Variants in WDR7 observed in about 807,000 individuals in gnomAD.
The protein encoded by WDR7 is WD repeat domain 7.
In WDR7, 46 loss-of-function variants were observed where a neutral mutation model predicts 169.4. The observed-to-expected ratio is 0.27, with a 90% CI of 0.21 to 0.35. The LOEUF is 0.35. Among genes scored for constraint, WDR7 ranks in the 10% least tolerant of loss-of-function variants. WDR7 has a pLI of 1.00. For synonymous variants in WDR7, 612 were observed against 666.8 expected (o/e 0.92, Z 1.27); for missense variants, 1,534 against 1,859.3 (o/e 0.83, Z 3.22).
intron 26 of WDR7, among the ~76,000 whole-genome samples, chr18:57,004,775 C>A (rs1363946109): frequency 1.3e-5 from 2 of 152,110 alleles, no homozygotes; most frequent in Non-Finnish European, 1.5e-5. Flanking sequence ...CAGTTTCACT[C>A]TTTTTTAACT....
chr18:56,797,286 C>CT (rs1255129255), intron 19 of WDR7, among the ~76,000 whole-genome samples: 2 of 152,134 alleles, frequency 1.3e-5, no homozygotes, highest in Non-Finnish European at 2.9e-5. Flanking sequence ...CAGTAGGCTT[C>CT]CTAGTTGCTG....
At chr18:56,874,663 A>C (rs181896553) in intron 20 of WDR7, among the ~76,000 whole-genome samples, 86 of 152,252 alleles carry the variant, frequency 5.6e-4, no homozygotes, top group African/African-American at 1.9e-3. Flanking sequence ...TTACGTGAGC[A>C]ATTAGAATAG....
chr18:56,691,874 C>A (rs2025579330), intron 9 of WDR7, 57 bp downstream of exon 9: 3 of 1,375,754 alleles, frequency 2.2e-6, no homozygotes, highest in African/African-American at 1.4e-5. Flanking sequence ...ACTTCTACAA[C>A]TGTATTTATT....
chr18:56,960,980 G>C (rs2047330715), intron 25 of WDR7, among the ~76,000 whole-genome samples: 1 of 149,862 alleles, frequency 6.7e-6, no homozygotes, highest in Admixed American at 6.6e-5. Context: ...GTTACTAAAA[G>C]TTAAAAAAAA....
chr18:56,768,915 T>C (rs2145007128), intron 16 of WDR7, among the ~76,000 whole-genome samples: 1 of 152,306 alleles, frequency 6.6e-6, no homozygotes, highest in Admixed American at 6.5e-5. Flanking sequence ...AGAATAAAGA[T>C]AGTTAAGATA....
the WDR7 span, chr18:57,036,312 G>T: frequency 6.6e-6 from 1 of 152,320 alleles, no homozygotes; most frequent in African/African-American, 2.4e-5. Flanking sequence ...TCCCAACTGA[G>T]ACCTGCTACA....
chr18:56,939,374 T>C lies in WDR7; in HGVS notation c.4045T>C (p.Cys1349Arg). 1 of 1,577,250 alleles carries C rather than the reference T, an allele frequency of 6.3e-7. No individual in the cohort carries two copies. The highest frequency in any genetic ancestry group is 8.6e-7 in the Non-Finnish European group (1 of 1,159,764). ...SLVKKKGLQECFPAICRFYMV... is the reference protein window; with the variant it reads ...SLVKKKGLQERFPAICRFYMV... Reference sequence around the variant, plus strand: ...AGTTAAAAAGAAAGGTCTTCAAGAATGTTTCCCAGCCATCTGCAGGTAAAG... The same window carrying C: ...AGTTAAAAAGAAAGGTCTTCAAGAACGTTTCCCAGCCATCTGCAGGTAAAG... The change falls in exon 25 of 28, where the codon TGT becomes CGT. Residue 1349 changes from cysteine to arginine, a missense_variant. By Grantham distance (180) the Cys-to-Arg change is radical. Transcript: ENST00000254442.
At chr18:56,800,184 C>G (rs2044648942) in intron 19 of WDR7, among the ~76,000 whole-genome samples, 1 of 152,064 alleles carries the variant, frequency 6.6e-6, no homozygotes, top group African/African-American at 2.4e-5. Flanking sequence ...CTGCCAGAGG[C>G]AATGATTGGT....
At chr18:56,754,605 T>G (rs1035307196) in intron 14 of WDR7, among the ~76,000 whole-genome samples, 2 of 152,072 alleles carry the variant, frequency 1.3e-5, no homozygotes, top group Non-Finnish European at 2.9e-5. Flanking sequence ...AATTCGACTA[T>G]GGGTATTTTT....
At chr18:56,866,684 T>G (rs1387370012) in intron 20 of WDR7, among the ~76,000 whole-genome samples, 1 of 152,192 alleles carries the variant, frequency 6.6e-6, no homozygotes, top group Non-Finnish European at 1.5e-5. Flanking sequence ...TTTGTCTGTG[T>G]TCAGCTCTTA....
At chr18:56,785,378 T>C (rs2044382881) in intron 19 of WDR7, among the ~76,000 whole-genome samples, 1 of 152,196 alleles carries the variant, frequency 6.6e-6, no homozygotes. Context: ...GGGCAAAATA[T>C]TAAACAATAT....
intron 14 of WDR7, among the ~76,000 whole-genome samples, chr18:56,745,620 C>T (rs895789539): frequency 3.9e-5 from 6 of 152,140 alleles, no homozygotes; most frequent in South Asian, 2.1e-4. Flanking sequence ...ACTTGCCCGC[C>T]GCTCAGCTCC....
chr18:56,901,142 G>A (rs1296511636), intron 21 of WDR7, among the ~76,000 whole-genome samples: 1 of 152,202 alleles, frequency 6.6e-6, no homozygotes, highest in African/African-American at 2.4e-5. Context: ...GCTCATGCCT[G>A]TAATCCCAGC....
intron 23 of WDR7, among the ~76,000 whole-genome samples, chr18:56,937,623 A>G (rs570177347): frequency 4.3e-4 from 66 of 152,274 alleles, no homozygotes; most frequent in African/African-American, 1.4e-3. Flanking sequence ...AATGTATATT[A>G]TTTGCCATGC....
At chr18:56,672,940 A>G (rs1407270149) in intron 2 of WDR7, among the ~76,000 whole-genome samples, 1 of 152,192 alleles carries the variant, frequency 6.6e-6, no homozygotes, top group African/African-American at 2.4e-5. Context: ...ATGATGACCC[A>G]TACTGAAGAA....
At chr18:57,015,852 C>G (rs1019815637) in intron 26 of WDR7, among the ~76,000 whole-genome samples, 1 of 152,202 alleles carries the variant, frequency 6.6e-6, no homozygotes, top group African/African-American at 2.4e-5. Flanking sequence ...GAGAGTTCTT[C>G]CTCACTTCTG....
intron 27 of WDR7, among the ~76,000 whole-genome samples, chr18:57,022,314 T>C (rs941852777): frequency 6.6e-6 from 1 of 152,240 alleles, no homozygotes; most frequent in Non-Finnish European, 1.5e-5. Flanking sequence ...TTTTATTTCC[T>C]GTTCTCTTGG....
At chr18:56,909,707 T>C (rs2145595392) in intron 21 of WDR7, among the ~76,000 whole-genome samples, 1 of 152,278 alleles carries the variant, frequency 6.6e-6, no homozygotes, top group East Asian at 1.9e-4. Context: ...TATTTCTTAT[T>C]TTGGTTTACA....
At chr18:56,900,903 A>G (rs1438423675) in intron 21 of WDR7, among the ~76,000 whole-genome samples, 2 of 152,220 alleles carry the variant, frequency 1.3e-5, no homozygotes, top group Non-Finnish European at 2.9e-5. Context: ...GAAGCTTAAC[A>G]TTCTGCCAGC....
Sources: allele counts gnomAD v4.1 joint callset (sites outside exome capture counted in the v4.1 genomes callset), GRCh38; gene constraint gnomAD v4.1.1; transcripts MANE v1.5; gene names NCBI Gene and HGNC (gene_info 2026-07-23, HGNC 2026-07-21).